SENP7: variants seen among roughly 807,000 people sequenced by gnomAD.
SENP7 encodes sentrin-specific protease 7.
A neutral mutation model predicts 141.2 loss-of-function variants in SENP7; 64 were observed. The observed-to-expected ratio is 0.45, with a 90% CI of 0.37 to 0.56. The LOEUF is 0.56. Ranked by LOEUF, SENP7 falls within the 20% of genes least tolerant of loss-of-function variation. The probability of loss-of-function intolerance (pLI) is 0.00; values close to 1 mark genes in which losing one functional copy is unlikely to be tolerated. For synonymous variants in SENP7, 382 were observed against 426.4 expected, an observed-to-expected ratio of 0.90 and a Z score of 1.28; for missense variants, 1,025 against 1,212.2, an observed-to-expected ratio of 0.85 and a Z score of 2.29.
chr3:101,339,071 TA>T (rs1196748168), intron 16 of SENP7, among the ~76,000 whole-genome samples: 2 of 152,132 alleles, frequency 1.3e-5, no homozygotes, highest in African/African-American at 4.8e-5. Context: ...AAAATAATAT[TA>T]AAACAATTAT....
At chr3:101,386,306 G>C (rs2107522610) in intron 6 of SENP7, among the ~76,000 whole-genome samples, 1 of 152,252 alleles carries the variant, frequency 6.6e-6, no homozygotes, top group East Asian at 1.9e-4. Flanking sequence ...GAAATCCCCG[G>C]AAGTCCATGT....
intron 5 of SENP7, among the ~76,000 whole-genome samples, chr3:101,406,081 T>A (rs976457798): frequency 6.6e-6 from 1 of 152,210 alleles, no homozygotes; most frequent in Non-Finnish European, 1.5e-5. Flanking sequence ...ATCCCATTAC[T>A]GGGTATATAC....
At chr3:101,375,601 CA>C (rs1277644569) in intron 6 of SENP7, among the ~76,000 whole-genome samples, 2 of 140,630 alleles carry the variant, frequency 1.4e-5, no homozygotes, top group African/African-American at 5.3e-5. Context: ...AGTTACCAAG[CA>C]ATCCCACTCC....
At position 101,380,288 on chromosome 3, in the gene SENP7, T is replaced by C. The variant is rs12636671; in HGVS notation, c.678-8162A>G. ...TACAATAATGTGAATGTACTTAAAA[T>C]AGATTAAAGTCCCTATTATTCAAAA... is the stretch of plus-strand genomic sequence containing the variant. On this transcript the variant is annotated intron_variant, in intron 6 of 23. Transcript: ENST00000394095. 2.5e-3 allele frequency among the ~76,000 whole-genome samples: 388 copies of C among 152,218 alleles called. 10 individuals carry two copies. The East Asian group carries it at 0.062, about 24-fold the overall frequency.
At chr3:101,498,164 C>T (rs1479600827) in intron 2 of SENP7, among the ~76,000 whole-genome samples, 1 of 152,078 alleles carries the variant, frequency 6.6e-6, no homozygotes, top group Non-Finnish European at 1.5e-5. Flanking sequence ...CAAAATACCA[C>T]ATATATAAAT....
intron 6 of SENP7, among the ~76,000 whole-genome samples, chr3:101,376,861 T>C (rs2060350743): frequency 6.6e-6 from 1 of 152,106 alleles, no homozygotes. Flanking sequence ...AATTCAGTTG[T>C]AGTGGACTAA....
At chr3:101,342,913 G>A (rs998196228) in intron 14 of SENP7, among the ~76,000 whole-genome samples, 3 of 152,120 alleles carry the variant, frequency 2.0e-5, no homozygotes, top group Admixed American at 6.5e-5. Flanking sequence ...TGATCCACCT[G>A]CCTCGGCCTC....
chr3:101,424,208 G>T (rs956715945), intron 4 of SENP7, among the ~76,000 whole-genome samples: 2 of 152,034 alleles, frequency 1.3e-5, no homozygotes, highest in Non-Finnish European at 2.9e-5. Flanking sequence ...ATCACTGGGG[G>T]ACCTGCCTAA....
At chr3:101,379,729 A>G (rs527825548) in intron 6 of SENP7, among the ~76,000 whole-genome samples, 1 of 152,288 alleles carries the variant, frequency 6.6e-6, no homozygotes, top group Non-Finnish European at 1.5e-5. Context: ...GCTGGTGGCA[A>G]TGTAACATGG....
intron 12 of SENP7, 57 bp from the exon 13 acceptor site, chr3:101,348,108 T>C: frequency 8.5e-7 from 1 of 1,177,184 alleles, no homozygotes. Context: ...AATACACCAC[T>C]TAAACATTAT....
chr3:101,407,959 CA>C (rs1042079288), intron 5 of SENP7, among the ~76,000 whole-genome samples: 1 of 150,660 alleles, frequency 6.6e-6, no homozygotes, highest in Admixed American at 6.6e-5. Context: ...GAAATTAAAA[CA>C]AAAAAAATAC....
In SENP7 at chr3:101,341,578, A is replaced by G. The variant is rs545170157; in HGVS notation, c.2240+68T>C. On this transcript the variant is annotated intron_variant, in intron 15 of 23. Transcript: ENST00000394095. Reference sequence around the variant, plus strand: ...AACATTTCAAAAGTTAAACTACTGAAAAGCAGCAACATGAATAAAAACTAC... The same window carrying G: ...AACATTTCAAAAGTTAAACTACTGAGAAGCAGCAACATGAATAAAAACTAC... The G allele has an allele frequency of 1.2e-5, 15 of 1,301,304 alleles. No individual in the cohort carries two copies. The South Asian group carries it at 3.7e-4, about 32-fold the overall frequency. 80.6% of individuals were successfully genotyped at this position (1,301,304 alleles called of 1,614,324 possible).
chr3:101,481,262 A>G (rs2064466554), intron 3 of SENP7, among the ~76,000 whole-genome samples: 1 of 152,230 alleles, frequency 6.6e-6, no homozygotes, highest in African/African-American at 2.4e-5. Context: ...ACAAACGGAT[A>G]AAGAAAATAT....
intron 4 of SENP7, among the ~76,000 whole-genome samples, chr3:101,444,171 G>A (rs1360178071): frequency 7.7e-6 from 1 of 129,864 alleles, no homozygotes; most frequent in Non-Finnish European, 1.7e-5. Context: ...TCAGAGAAAT[G>A]CAAATCAAAA....
At chr3:101,419,242 A>G (rs2061714028) in intron 4 of SENP7, among the ~76,000 whole-genome samples, 1 of 152,222 alleles carries the variant, frequency 6.6e-6, no homozygotes, top group African/African-American at 2.4e-5. Flanking sequence ...TACCTGACTC[A>G]TGTACTTAGA....
chr3:101,325,009 C>T lies in SENP7; in HGVS notation c.*934G>A, dbSNP rs1489196406. The T allele has an allele frequency of 6.6e-6, 1 of 151,916 alleles. No homozygotes were observed. The highest frequency in any genetic ancestry group is 1.5e-5 in the Non-Finnish European group (1 of 67,960). 9.4% of individuals were successfully genotyped at this position (151,916 alleles called of 1,614,324 possible). ...AGCAATCTGGCTTTGCAGATGAATA[C>T]TGGGTAAACTGAGCTATAAAATTAT... On this transcript the variant is annotated 3_prime_UTR_variant, in exon 24 of 24. Coordinates refer to ENST00000394095, the MANE Select transcript of SENP7 (RefSeq NM_020654.5).
chr3:101,448,311 A>G (rs2062974843), intron 4 of SENP7, among the ~76,000 whole-genome samples: 1 of 152,234 alleles, frequency 6.6e-6, no homozygotes, highest in Admixed American at 6.5e-5. Context: ...GAAACTTGCC[A>G]AAAGAATGAG....
At chr3:101,355,994 G>T (rs1442833363) in intron 11 of SENP7, among the ~76,000 whole-genome samples, 1 of 151,778 alleles carries the variant, frequency 6.6e-6, no homozygotes, top group African/African-American at 2.4e-5. Flanking sequence ...TTGCATTCCT[G>T]ATTTGGCTCT....
chr3:101,383,166 C>T (rs558604210), intron 6 of SENP7, among the ~76,000 whole-genome samples: 8 of 152,234 alleles, frequency 5.3e-5, no homozygotes, highest in South Asian at 2.1e-4. Flanking sequence ...GGCTTGGTGC[C>T]GTCTTCATGA....
Sources: allele counts gnomAD v4.1 joint callset (sites outside exome capture counted in the v4.1 genomes callset), GRCh38; gene constraint gnomAD v4.1.1; transcripts MANE v1.5; gene names NCBI Gene and HGNC (gene_info 2026-07-23, HGNC 2026-07-21).